VIPR2: variants seen among roughly 807,000 people sequenced by gnomAD.
VIPR2 encodes vasoactive intestinal peptide receptor 2.
A neutral mutation model predicts 58.0 loss-of-function variants in VIPR2; 48 were observed. The observed-to-expected ratio is 0.83, with a 90% CI of 0.66 to 1.05. VIPR2 has a LOEUF of 1.05. VIPR2 is among the 50% of genes least tolerant of loss of function. The pLI, the probability that VIPR2 is intolerant of heterozygous loss-of-function variation, is 0.00. For missense variants in VIPR2, 534 were observed against 558.0 expected, an observed-to-expected ratio of 0.96 and a Z score of 0.43; for synonymous variants, 243 against 235.2, an observed-to-expected ratio of 1.03 and a Z score of -0.30.
At chr7:159,069,360 T>C (rs1344797787) in intron 4 of VIPR2, among the ~76,000 whole-genome samples, 1 of 152,170 alleles carries the variant, frequency 6.6e-6, no homozygotes, top group Non-Finnish European at 1.5e-5. Flanking sequence ...TGGCTGGGTA[T>C]GCACTCCTGG....
chr7:159,097,976 C>T lies in VIPR2; in HGVS notation c.357+5781G>A, dbSNP rs535131244. On this transcript the variant is annotated intron_variant, in intron 4 of 12. Transcript: ENST00000262178. This position sits in a 1 kb window ranked among gnomAD's most constrained non-coding sequence, Gnocchi z 5.3. ...GCTGGAAAGGCAGGGTCTCAGCCCC[C>T]ACACAGACCCACTGGGCCAGAGCCC... Among the ~76,000 whole-genome samples, 1 of 152,338 alleles carries T rather than the reference C, an allele frequency of 6.6e-6. No homozygotes were observed. Among genetic ancestry groups the T allele is most frequent in the South Asian group, 2.1e-4 (1 of 4,824 alleles).
At chr7:159,130,518 C>T (rs1235036842) in intron 2 of VIPR2, among the ~76,000 whole-genome samples, 1 of 123,296 alleles carries the variant, frequency 8.1e-6, no homozygotes, top group Non-Finnish European at 1.5e-5. Flanking sequence ...ACTCCTGTAG[C>T]CCCACCCAGA....
chr7:159,042,380 T>C (rs1223535600), intron 6 of VIPR2, among the ~76,000 whole-genome samples: 2 of 152,128 alleles, frequency 1.3e-5, no homozygotes, highest in East Asian at 3.9e-4. Flanking sequence ...TAGGAGGTGC[T>C]CAACAGCACC....
chr7:159,080,055 C>T (rs969210664), intron 4 of VIPR2, among the ~76,000 whole-genome samples: 47 of 152,176 alleles, frequency 3.1e-4, no homozygotes, highest in Non-Finnish European at 6.5e-4. Flanking sequence ...GGAGCTGATA[C>T]CATTCCTTCT....
intron 3 of VIPR2, among the ~76,000 whole-genome samples, chr7:159,109,026 T>C (rs184202574): frequency 9.8e-5 from 15 of 152,354 alleles, no homozygotes; most frequent in African/African-American, 3.4e-4. Flanking sequence ...AAAACTCTGC[T>C]TTAAAACACT....
chr7:159,044,332 C>T (rs892841848), intron 5 of VIPR2, among the ~76,000 whole-genome samples: 27 of 151,936 alleles, frequency 1.8e-4, no homozygotes, highest in South Asian at 8.3e-4. Flanking sequence ...CAACCGGCAG[C>T]AAGAAATAAC....
At chr7:159,125,900 C>A (rs73527885) in intron 2 of VIPR2, among the ~76,000 whole-genome samples, 388 of 152,298 alleles carry the variant, frequency 2.5e-3, no homozygotes, top group African/African-American at 8.7e-3. Flanking sequence ...CTGCCAGCGT[C>A]CCTGCCTACC....
At chr7:159,140,946 T>TA (rs1412147014) in intron 2 of VIPR2, among the ~76,000 whole-genome samples, 3 of 152,078 alleles carry the variant, frequency 2.0e-5, no homozygotes, top group African/African-American at 7.3e-5. Flanking sequence ...CTTTTTTTTT[T>TA]AATGTATTGT....
At chr7:159,064,961 C>A (rs528566079) in intron 4 of VIPR2, among the ~76,000 whole-genome samples, 1 of 152,182 alleles carries the variant, frequency 6.6e-6, no homozygotes, top group African/African-American at 2.4e-5. Flanking sequence ...CCACCTCTAC[C>A]GAGAACCTGC....
At position 159,030,359 on chromosome 7, in the gene VIPR2, A is replaced by G; in HGVS notation, c.*257T>C. 3 of 385,664 alleles carry G rather than the reference A, an allele frequency of 7.8e-6. No homozygotes were observed. Among genetic ancestry groups the G allele is most frequent in the Non-Finnish European group, 1.4e-5 (3 of 220,700 alleles). The allele number at this position is 385,664 out of a possible 1,614,324, so 23.9% of individuals were successfully genotyped here. A position where few individuals can be genotyped will look rare whatever the true frequency, so the allele number is the denominator to read the frequency against. The stretch of plus-strand genomic sequence containing the variant: ...CTCCGTCTCAAAAAAAAAAAAAAAA[A>G]AAAAAGTGGATCCACTATACGGCTG... On this transcript the variant is annotated 3_prime_UTR_variant, in exon 13 of 13. Coordinates refer to ENST00000262178, the MANE Select transcript of VIPR2 (RefSeq NM_003382.5).
At chr7:159,041,852 G>A (rs1026796637) in intron 6 of VIPR2, among the ~76,000 whole-genome samples, 7 of 152,104 alleles carry the variant, frequency 4.6e-5, no homozygotes, top group Admixed American at 1.3e-4. Context: ...AAACCATCTC[G>A]GTGAGAGAGA....
intron 2 of VIPR2, among the ~76,000 whole-genome samples, chr7:159,113,393 G>A (rs979727059): frequency 3.3e-5 from 5 of 152,158 alleles, no homozygotes; most frequent in Admixed American, 3.3e-4. Context: ...CCTTAGCGTT[G>A]TGAGCCCTTA....
intron 10 of VIPR2, among the ~76,000 whole-genome samples, chr7:159,033,593 C>T (rs1472577506): frequency 6.6e-6 from 1 of 152,168 alleles, no homozygotes; most frequent in African/African-American, 2.4e-5. Flanking sequence ...ACTGGCTGAA[C>T]GTCTGCCCTG....
chr7:159,132,930 G>GGAGGACTCCAAAATACAGCCTCCCTA (rs1797022406), intron 2 of VIPR2, among the ~76,000 whole-genome samples: 1 of 146,924 alleles, frequency 6.8e-6, no homozygotes, highest in African/African-American at 2.5e-5. Flanking sequence ...ATTTCAGACA[G>GGAGGACTCCAAAATACAGCCTCCCTA]AATGATTGGC....
chr7:159,066,371 A>G (rs1454181150), intron 4 of VIPR2, among the ~76,000 whole-genome samples: 2 of 124,438 alleles, frequency 1.6e-5, no homozygotes, highest in African/African-American at 3.3e-5. Flanking sequence ...TTCCCACACC[A>G]TCCGTGGGAT....
chr7:159,034,335 G>T, intron 9 of VIPR2, 31 bp from the exon 10 acceptor site: 1 of 1,605,856 alleles, frequency 6.2e-7, no homozygotes, highest in South Asian at 1.1e-5. Flanking sequence ...TTGTGAAACA[G>T]ACACGTGGAT....
Position 159,043,050 on chromosome 7 carries a change from G to A in VIPR2, c.582C>T (p.Asp194=), listed in dbSNP as rs747985507. ...ACAGCCTTACCCAGGAGGATGGCTG[G>A]TCAGGGCAGTGCAACGTGCCAGAGC... ...YSSSGTLHCP[D]QPSSWVGCKL... is the part of the protein sequence containing the mutation. The change falls in exon 6 of 13, where the codon GAC becomes GAT. Residue 194 remains aspartate (D), a synonymous_variant. Coordinates refer to ENST00000262178, the MANE Select transcript of VIPR2 (RefSeq NM_003382.5). 5.6e-6 allele frequency: 9 copies of A among 1,614,012 alleles called. No homozygotes were observed. The Admixed American group carries it at 1.0e-4, about 18-fold the overall frequency.
intron 4 of VIPR2, among the ~76,000 whole-genome samples, chr7:159,060,753 G>A (rs780179202): frequency 4.6e-5 from 7 of 150,676 alleles, no homozygotes; most frequent in Non-Finnish European, 1.0e-4. Context: ...ACCACAGCCT[G>A]CACCTTACCT....
chr7:159,061,395 C>T (rs1855642740), intron 4 of VIPR2, among the ~76,000 whole-genome samples: 1 of 150,822 alleles, frequency 6.6e-6, no homozygotes, highest in African/African-American at 2.4e-5. Flanking sequence ...CTGCAAAATC[C>T]CAGCACTTTG....
Sources: allele counts gnomAD v4.1 joint callset (sites outside exome capture counted in the v4.1 genomes callset), GRCh38; gene constraint gnomAD v4.1.1; non-coding constraint Gnocchi (gnomAD v3.1); transcripts MANE v1.5; gene names NCBI Gene and HGNC (gene_info 2026-07-23, HGNC 2026-07-21).